GRID2: variants seen among roughly 807,000 people sequenced by gnomAD.
The protein encoded by GRID2 is glutamate receptor ionotropic, delta-2.
Under a neutral mutation model 114.8 loss-of-function variants are expected in GRID2, and 33 were observed. The ratio of observed to expected loss-of-function variants is 0.29; its 90% CI spans 0.22 to 0.38. The LOEUF (loss-of-function observed/expected upper bound fraction) is 0.38. Ranked by LOEUF, GRID2 falls within the 10% of genes least tolerant of loss-of-function variation. GRID2 has a pLI of 1.00. For missense variants in GRID2, 1,184 were observed against 1,257.7 expected (o/e 0.94, Z 0.89); for synonymous variants, 505 against 449.9 (o/e 1.12, Z -1.55).
intron 1 of GRID2, among the ~76,000 whole-genome samples, chr4:92,478,582 T>G (rs548793289): frequency 6.6e-6 from 1 of 152,252 alleles, no homozygotes; most frequent in African/African-American, 2.4e-5. Context: ...GCACATTTTT[T>G]AATGGCCATT....
chr4:92,326,245 A>C (rs931348678), intron 1 of GRID2, among the ~76,000 whole-genome samples: 3 of 151,954 alleles, frequency 2.0e-5, no homozygotes, highest in African/African-American at 7.2e-5. Context: ...TTATTGAGAC[A>C]TTTGGAGGCA....
At chr4:92,679,214 T>A (rs1016885659) in intron 2 of GRID2, among the ~76,000 whole-genome samples, 12 of 152,182 alleles carry the variant, frequency 7.9e-5, no homozygotes, top group Middle Eastern at 3.4e-3. Context: ...TATGGTCTTT[T>A]TAAGTTTTAT....
intron 8 of GRID2, among the ~76,000 whole-genome samples, chr4:93,332,640 A>G (rs1381913548): frequency 6.6e-6 from 1 of 152,126 alleles, no homozygotes; most frequent in Non-Finnish European, 1.5e-5. Context: ...ACATTCCAAT[A>G]ATATGTCACA....
intron 2 of GRID2, among the ~76,000 whole-genome samples, chr4:92,834,773 A>T (rs1016053142): frequency 6.6e-6 from 1 of 152,128 alleles, no homozygotes; most frequent in Admixed American, 6.6e-5. Context: ...TTTTTATCCT[A>T]ATGAGGCCTG....
chr4:92,562,781 A>C (rs1727159339), intron 1 of GRID2, among the ~76,000 whole-genome samples: 1 of 152,176 alleles, frequency 6.6e-6, no homozygotes, highest in East Asian at 1.9e-4. Context: ...AATTTTAGTA[A>C]AAATTCAATT....
chr4:92,935,743 G>T (rs1390317852), intron 2 of GRID2, among the ~76,000 whole-genome samples: 1 of 146,506 alleles, frequency 6.8e-6, no homozygotes, highest in Non-Finnish European at 1.5e-5. Context: ...TAGGGACATG[G>T]ATGAAATTGG....
At chr4:92,484,205 C>A (rs1299188911) in intron 1 of GRID2, among the ~76,000 whole-genome samples, 1 of 151,968 alleles carries the variant, frequency 6.6e-6, no homozygotes, top group East Asian at 1.9e-4. Flanking sequence ...TGTAACCTAC[C>A]CAAAGTCACA....
intron 2 of GRID2, among the ~76,000 whole-genome samples, chr4:92,852,164 G>T (rs1481816529): frequency 1.3e-5 from 2 of 151,868 alleles, no homozygotes; most frequent in African/African-American, 4.8e-5. Context: ...GTATGTGGAG[G>T]GGGGTGTATT....
intron 2 of GRID2, among the ~76,000 whole-genome samples, chr4:92,741,420 C>A (rs1736888378): frequency 6.6e-6 from 1 of 152,130 alleles, no homozygotes; most frequent in Non-Finnish European, 1.5e-5. Flanking sequence ...GATCAGTTTT[C>A]CTAAATCACT....
chr4:92,751,199 A>T (rs1214673649), intron 2 of GRID2, among the ~76,000 whole-genome samples: 2 of 152,180 alleles, frequency 1.3e-5, no homozygotes, highest in African/African-American at 2.4e-5. Flanking sequence ...AGGTTTTAAA[A>T]TAAGTTAGGT....
At chr4:93,224,365 C>A (rs933651699) in intron 6 of GRID2, among the ~76,000 whole-genome samples, 1 of 152,066 alleles carries the variant, frequency 6.6e-6, no homozygotes, top group African/African-American at 2.4e-5. Context: ...AAATTTCTTT[C>A]TTTCCTTTTT....
At chr4:92,345,854 T>C (rs998213002) in intron 1 of GRID2, among the ~76,000 whole-genome samples, 1 of 152,206 alleles carries the variant, frequency 6.6e-6, no homozygotes, top group Non-Finnish European at 1.5e-5. Flanking sequence ...CCTTCTCCTT[T>C]TGGTTTCTTA....
At chr4:92,753,215 A>G (rs571634775) in intron 2 of GRID2, among the ~76,000 whole-genome samples, 19 of 152,300 alleles carry the variant, frequency 1.2e-4, no homozygotes, top group African/African-American at 4.6e-4. Flanking sequence ...TCCTTTAAAG[A>G]TAAGTCCTTG....
intron 2 of GRID2, among the ~76,000 whole-genome samples, chr4:92,670,415 T>C (rs1733002525): frequency 6.6e-6 from 1 of 152,010 alleles, no homozygotes; most frequent in Admixed American, 6.6e-5. Context: ...TTCCATCATC[T>C]TCTTTCACAG....
intron 2 of GRID2, among the ~76,000 whole-genome samples, chr4:93,020,126 T>G (rs752588894): frequency 2.7e-4 from 41 of 152,148 alleles, no homozygotes; most frequent in Non-Finnish European, 4.6e-4. Flanking sequence ...AAACCAGTAA[T>G]TAATCATATT....
At chr4:92,545,164 T>C (rs1726179138) in intron 1 of GRID2, among the ~76,000 whole-genome samples, 1 of 151,562 alleles carries the variant, frequency 6.6e-6, no homozygotes, top group Non-Finnish European at 1.5e-5. Context: ...TGAAAAAGAA[T>C]GAAATGAAAA....
chr4:92,883,288 A>C (rs1366658849), intron 2 of GRID2, among the ~76,000 whole-genome samples: 4 of 152,216 alleles, frequency 2.6e-5, no homozygotes, highest in African/African-American at 9.6e-5. Context: ...ACCACAACTT[A>C]GTCACATCTT....
intron 1 of GRID2, among the ~76,000 whole-genome samples, chr4:92,558,388 T>C (rs1487371719): frequency 1.3e-5 from 2 of 152,170 alleles, no homozygotes; most frequent in South Asian, 2.1e-4. Context: ...AACTTCTAAA[T>C]TGAACTTTTA....
At chr4:92,795,923 A>AT (rs1174089832) in intron 2 of GRID2, among the ~76,000 whole-genome samples, 1 of 151,836 alleles carries the variant, frequency 6.6e-6, no homozygotes, top group African/African-American at 2.4e-5. Flanking sequence ...TTATTTATAT[A>AT]TTTTTGCCAC....
Sources: allele counts gnomAD v4.1 joint callset (sites outside exome capture counted in the v4.1 genomes callset), GRCh38; gene constraint gnomAD v4.1.1; transcripts MANE v1.5; gene names NCBI Gene and HGNC (gene_info 2026-07-23, HGNC 2026-07-21).